Variants in SH3D19 observed in about 807,000 individuals in gnomAD.
SH3D19 encodes SH3 domain containing 19.
In SH3D19, 58 loss-of-function variants were observed where a neutral mutation model predicts 112.1. That is an observed-to-expected ratio of 0.52 (90% CI 0.42 to 0.64). The LOEUF (loss-of-function observed/expected upper bound fraction) is 0.64. Ranked by LOEUF, SH3D19 falls within the 30% of genes least tolerant of loss-of-function variation. The probability of loss-of-function intolerance (pLI) is 0.00; values close to 1 mark genes in which losing one functional copy is unlikely to be tolerated. For synonymous variants in SH3D19, 391 were observed against 448.5 expected (o/e 0.87, Z 1.62); for missense variants, 1,090 against 1,263.4 (o/e 0.86, Z 2.08).
intron 1 of SH3D19, among the ~76,000 whole-genome samples, chr4:151,273,052 T>C (rs1474490810): frequency 6.6e-6 from 1 of 152,228 alleles, no homozygotes; most frequent in Non-Finnish European, 1.5e-5. Flanking sequence ...TTACACTTTA[T>C]ACAGGAAAAC....
chr4:151,154,549 G>A (rs1052632556), intron 9 of SH3D19, among the ~76,000 whole-genome samples: 12 of 151,914 alleles, frequency 7.9e-5, no homozygotes, highest in Admixed American at 2.0e-4. Flanking sequence ...CAAAGTGCTG[G>A]ATTACAGGTG....
intron 1 of SH3D19, among the ~76,000 whole-genome samples, chr4:151,240,412 TA>T (rs879935522): frequency 1.6e-3 from 231 of 141,354 alleles, no homozygotes; most frequent in Non-Finnish European, 1.5e-3. Context: ...ACATGTCTCT[TA>T]AAAAAAAAAA....
At chr4:151,164,666 G>A (rs958774130) in intron 8 of SH3D19, among the ~76,000 whole-genome samples, 1 of 150,272 alleles carries the variant, frequency 6.7e-6, no homozygotes, top group Non-Finnish European at 1.5e-5. Flanking sequence ...TGCAAGCTCC[G>A]CCTCCCAGGT....
chr4:151,312,649 G>A (rs1051564258), intron 1 of SH3D19, among the ~76,000 whole-genome samples: 1 of 151,964 alleles, frequency 6.6e-6, no homozygotes, highest in Admixed American at 6.6e-5. Context: ...CTGTAATCAC[G>A]GCACTTTGGG....
intron 1 of SH3D19, among the ~76,000 whole-genome samples, chr4:151,324,421 C>T (rs1730845329): frequency 6.6e-6 from 1 of 152,096 alleles, no homozygotes; most frequent in African/African-American, 2.4e-5. Flanking sequence ...GTTGCCAGTC[C>T]CCCTAGGTTT....
At chr4:151,164,975 A>G (rs1430055301) in intron 8 of SH3D19, among the ~76,000 whole-genome samples, 2 of 152,246 alleles carry the variant, frequency 1.3e-5, no homozygotes, top group African/African-American at 4.8e-5. Flanking sequence ...GCTGATTGCA[A>G]TAATATACTC....
At chr4:151,236,624 G>A (rs1770075177) in intron 1 of SH3D19, among the ~76,000 whole-genome samples, 1 of 151,962 alleles carries the variant, frequency 6.6e-6, no homozygotes, top group Admixed American at 6.6e-5. Context: ...TAATCTGGTG[G>A]GGACTTGGAG....
chr4:151,150,918 A>AT (rs1302609533), intron 9 of SH3D19, among the ~76,000 whole-genome samples: 2 of 147,252 alleles, frequency 1.4e-5, no homozygotes, highest in African/African-American at 5.0e-5. Flanking sequence ...CAAAGCCAAA[A>AT]TTTCTGTTTT....
chr4:151,166,798 G>T (rs1758114465), intron 7 of SH3D19, among the ~76,000 whole-genome samples: 1 of 152,166 alleles, frequency 6.6e-6, no homozygotes, highest in Non-Finnish European at 1.5e-5. Context: ...TGCAGGATAC[G>T]TGAAGGGCTG....
At chr4:151,215,260 G>A (rs1392160195) in intron 2 of SH3D19, among the ~76,000 whole-genome samples, 1 of 152,180 alleles carries the variant, frequency 6.6e-6, no homozygotes, top group Admixed American at 6.5e-5. Context: ...CAGTTTATAA[G>A]GCCTCTTCTA....
chr4:151,187,153 A>C (rs1035854212), intron 3 of SH3D19, among the ~76,000 whole-genome samples: 12 of 152,180 alleles, frequency 7.9e-5, no homozygotes, highest in South Asian at 2.1e-4. Flanking sequence ...TAAAAAAAAA[A>C]AACAAACAGC....
intron 1 of SH3D19, among the ~76,000 whole-genome samples, chr4:151,246,959 C>G (rs1331531105): frequency 6.6e-6 from 1 of 152,200 alleles, no homozygotes; most frequent in Non-Finnish European, 1.5e-5. Context: ...CATGTTTAAA[C>G]TTGCCCAAGG....
intron 19 of SH3D19, among the ~76,000 whole-genome samples, chr4:151,123,540 G>C (rs949322019): frequency 6.6e-6 from 1 of 152,124 alleles, no homozygotes; most frequent in Non-Finnish European, 1.5e-5. Flanking sequence ...TCGGCTCACT[G>C]CAACCTCTGC....
chr4:151,171,325 G>A (rs1759008418), intron 7 of SH3D19, among the ~76,000 whole-genome samples: 1 of 152,018 alleles, frequency 6.6e-6, no homozygotes, highest in Non-Finnish European at 1.5e-5. Context: ...TCTGGAAAGG[G>A]TTAAGAACTT....
intron 8 of SH3D19, among the ~76,000 whole-genome samples, chr4:151,160,367 G>GT (rs1561254954): frequency 6.6e-6 from 1 of 152,202 alleles, no homozygotes; most frequent in Non-Finnish European, 1.5e-5. Flanking sequence ...GATTACAGGC[G>GT]TAAGCCACTG....
At chr4:151,172,972 C>T (rs762035345) in intron 7 of SH3D19, among the ~76,000 whole-genome samples, 20 of 152,138 alleles carry the variant, frequency 1.3e-4, no homozygotes, top group Admixed American at 3.3e-4. Flanking sequence ...TGCTAAAAGA[C>T]GCCCCAATAA....
intron 2 of SH3D19, among the ~76,000 whole-genome samples, chr4:151,197,112 A>G (rs1279166146): frequency 6.6e-6 from 1 of 152,188 alleles, no homozygotes; most frequent in Non-Finnish European, 1.5e-5. Flanking sequence ...CTAAAAGTAG[A>G]ACCACCATTT....
At chr4:151,161,890 A>C (rs1757231131) in intron 8 of SH3D19, among the ~76,000 whole-genome samples, 2 of 151,022 alleles carry the variant, frequency 1.3e-5, no homozygotes, top group Admixed American at 1.3e-4. Flanking sequence ...TCAGCCTCCC[A>C]AGTAGCTGGG....
At chr4:151,255,799 C>T (rs1345020621) in intron 1 of SH3D19, among the ~76,000 whole-genome samples, 1 of 152,226 alleles carries the variant, frequency 6.6e-6, no homozygotes, top group East Asian at 1.9e-4. Flanking sequence ...CCGAGGCTGG[C>T]GGATCACTTG....
Sources: gnomAD v4.1 joint callset for allele counts (sites outside exome capture counted in the v4.1 genomes callset) on GRCh38, gnomAD v4.1.1 for gene constraint, MANE v1.5 for transcripts, NCBI Gene and HGNC (gene_info 2026-07-23, HGNC 2026-07-21) for gene names.